The following FBXO34 variants were observed in gnomAD, a reference collection of about 807,000 sequenced individuals.
FBXO34 encodes F-box protein 34.
In FBXO34, 12 loss-of-function variants were observed where a neutral mutation model predicts 24.5. The ratio of observed to expected loss-of-function variants is 0.49; its 90% CI spans 0.31 to 0.79. The LOEUF is 0.79. FBXO34 is among the 30% of genes least tolerant of loss of function. The pLI is 0.04. For synonymous variants in FBXO34, 320 were observed against 311.9 expected (o/e 1.03, Z -0.27); for missense variants, 823 against 857.7 (o/e 0.96, Z 0.51).
chr14:55,408,481 T>A, the FBXO34 span, among the ~76,000 whole-genome samples: 2 of 150,498 alleles, frequency 1.3e-5, no homozygotes, highest in Non-Finnish European at 3.0e-5. Context: ...TTCCTCAAAC[T>A]CACATAGCAG....
chr14:55,372,013 CT>C (rs1384383786), downstream of FBXO34, among the ~76,000 whole-genome samples: 1 of 152,104 alleles, frequency 6.6e-6, no homozygotes, highest in Non-Finnish European at 1.5e-5. Flanking sequence ...CACTTCATTT[CT>C]TTTCTCCCCT....
intron 1 of FBXO34, chr14:55,299,245 G>A (rs985187225): frequency 1.2e-6 from 1 of 831,154 alleles, no homozygotes; most frequent in Non-Finnish European, 2.1e-6. Flanking sequence ...ACGACATGAA[G>A]GATTTGGAGA....
At chr14:55,413,666 T>C in the FBXO34 span, 1 of 375,474 alleles carries the variant, frequency 2.7e-6, no homozygotes, top group East Asian at 6.5e-5. Context: ...CTCAGACACC[T>C]CTCCCTTTGA....
At chr14:55,323,226 T>TATATATATATATATATATATATATATA (rs1491370677) in intron 1 of FBXO34, among the ~76,000 whole-genome samples, 2 of 20,526 alleles carry the variant, frequency 9.7e-5, no homozygotes, top group African/African-American at 7.2e-4. Context: ...AAAATATATA[T>TATATATATATATATATATATATATATA]TTTTTTTTTT....
chr14:55,441,377 GA>G, the FBXO34 span, among the ~76,000 whole-genome samples: 1 of 151,364 alleles, frequency 6.6e-6, no homozygotes, highest in African/African-American at 2.4e-5. Context: ...GCTGGTCCTG[GA>G]CTCTTGGTCT....
At chr14:55,391,028 G>T in the FBXO34 span, 4 of 1,412,888 alleles carry the variant, frequency 2.8e-6, no homozygotes, top group Non-Finnish European at 4.0e-6. Flanking sequence ...ACAAACGTTG[G>T]TCTCTTATGG....
chr14:55,302,775 T>A (rs1426870528), intron 1 of FBXO34, among the ~76,000 whole-genome samples: 1 of 152,224 alleles, frequency 6.6e-6, no homozygotes, highest in Non-Finnish European at 1.5e-5. Flanking sequence ...TTCTTGGGTT[T>A]AGAGAAGAAT....
intron 1 of FBXO34, among the ~76,000 whole-genome samples, chr14:55,324,334 A>G (rs1427084543): frequency 6.6e-6 from 1 of 152,086 alleles, no homozygotes; most frequent in Non-Finnish European, 1.5e-5. Context: ...TTACCCATTT[A>G]TCTCTTGGTA....
chr14:55,401,912 A>G, the FBXO34 span, among the ~76,000 whole-genome samples: 2 of 152,216 alleles, frequency 1.3e-5, no homozygotes, highest in African/African-American at 4.8e-5. Context: ...AACTGCACCA[A>G]GCATTTCAAC....
chr14:55,313,909 C>CTG (rs1173954367), intron 1 of FBXO34, among the ~76,000 whole-genome samples: 1 of 151,916 alleles, frequency 6.6e-6, no homozygotes, highest in South Asian at 2.1e-4. Context: ...ATACTAGAAA[C>CTG]TGTGTGTGTG....
intron 1 of FBXO34, among the ~76,000 whole-genome samples, chr14:55,279,892 T>A (rs1280547278): frequency 6.6e-6 from 1 of 152,218 alleles, no homozygotes; most frequent in African/African-American, 2.4e-5. Context: ...CAGTAGATAC[T>A]GAGTAGCAAA....
chr14:55,343,468 C>T (rs1351877109), intron 1 of FBXO34, among the ~76,000 whole-genome samples: 2 of 152,112 alleles, frequency 1.3e-5, no homozygotes, highest in Non-Finnish European at 2.9e-5. Context: ...CCAGGCTGGT[C>T]TCGAACTCCT....
intron 1 of FBXO34, among the ~76,000 whole-genome samples, chr14:55,332,451 G>A (rs1401340053): frequency 6.6e-6 from 1 of 152,132 alleles, no homozygotes; most frequent in African/African-American, 2.4e-5. Flanking sequence ...CTCTTCATAA[G>A]ATCCCAGGTA....
chr14:55,360,382 A>C (rs1884577920), intron 3 of FBXO34, among the ~76,000 whole-genome samples: 1 of 151,956 alleles, frequency 6.6e-6, no homozygotes, highest in South Asian at 2.1e-4. Context: ...CAAAAGAAAC[A>C]CTTTCTTTTG....
At chr14:55,312,878 C>T (rs1882796155) in intron 1 of FBXO34, among the ~76,000 whole-genome samples, 1 of 152,256 alleles carries the variant, frequency 6.6e-6, no homozygotes, top group Non-Finnish European at 1.5e-5. Context: ...AGACCTCTGG[C>T]ATGCCCTGGA....
the FBXO34 span, chr14:55,411,756 C>G: frequency 6.2e-7 from 1 of 1,607,598 alleles, no homozygotes; most frequent in South Asian, 1.1e-5. Flanking sequence ...AGGTCCCGGG[C>G]GAGCGGCCGG....
chr14:55,343,481 C>T (rs1001901571), intron 1 of FBXO34, among the ~76,000 whole-genome samples: 1 of 152,096 alleles, frequency 6.6e-6, no homozygotes, highest in Admixed American at 6.5e-5. Flanking sequence ...GAACTCCTGA[C>T]CTCGTGATCT....
rs1210921835 is a variant in FBXO34, at chr14:55,351,485, C to G, written c.1095C>G (p.Ala365=). Residue 365 remains alanine, a synonymous_variant, in exon 2 of 2, where the codon GCC becomes GCG. Transcript: ENST00000313833. The part of the protein sequence containing the change: ...ADRCSPKEDQ[A]WDGASQDCPP... ...GTTGTTCTCCTAAGGAGGACCAGGC[C>G]TGGGACGGTGCTTCTCAGGACTGCC... is the stretch of plus-strand genomic sequence containing the variant. The G allele has an allele frequency of 6.2e-7, 1 of 1,614,056 alleles. No individual in the cohort carries two copies. The highest frequency in any genetic ancestry group is 8.5e-7 in the Non-Finnish European group (1 of 1,180,032).
At chr14:55,318,940 T>C (rs1221076144) in intron 1 of FBXO34, among the ~76,000 whole-genome samples, 2 of 152,070 alleles carry the variant, frequency 1.3e-5, no homozygotes, top group African/African-American at 2.4e-5. Flanking sequence ...TGTTATTGAG[T>C]TGGTTAGACT....
Sources: allele counts gnomAD v4.1 joint callset (sites outside exome capture counted in the v4.1 genomes callset), GRCh38; gene constraint gnomAD v4.1.1; transcripts MANE v1.5; gene names NCBI Gene and HGNC (gene_info 2026-07-23, HGNC 2026-07-21).